DGKG: variants seen among roughly 807,000 people sequenced by gnomAD.
DGKG encodes diacylglycerol kinase gamma.
DGKG carries 78 observed loss-of-function variants against 105.3 expected under a neutral mutation model. The ratio of observed to expected loss-of-function variants is 0.74; its 90% CI spans 0.62 to 0.89. The LOEUF (loss-of-function observed/expected upper bound fraction) is 0.89, where lower values mean the gene tolerates loss of function less well. Among genes scored for constraint, DGKG ranks in the 40% least tolerant of loss-of-function variants. DGKG has a pLI of 0.00. For synonymous variants in DGKG, 346 were observed against 367.1 expected, an observed-to-expected ratio of 0.94 and a Z score of 0.66; for missense variants, 958 against 1,020.1, an observed-to-expected ratio of 0.94 and a Z score of 0.83.
intron 24 of DGKG, among the ~76,000 whole-genome samples, chr3:186,150,869 T>C (rs1443393883): frequency 6.6e-6 from 1 of 152,256 alleles, no homozygotes; most frequent in African/African-American, 2.4e-5. Flanking sequence ...CATTTTTGCC[T>C]TTATTCCCAA....
intron 21 of DGKG, chr3:186,207,522 C>T (rs546067898): frequency 1.0e-6 from 1 of 985,018 alleles, no homozygotes; most frequent in African/African-American, 1.7e-5. Flanking sequence ...GCACCACTGC[C>T]AGTTACATAA....
intron 21 of DGKG, among the ~76,000 whole-genome samples, chr3:186,201,147 C>CTCTT (rs780837316): frequency 6.6e-6 from 1 of 151,776 alleles, no homozygotes; most frequent in Non-Finnish European, 1.5e-5. Flanking sequence ...GTGTTTTTTT[C>CTCTT]TCTTTCTTTC....
intron 1 of DGKG, among the ~76,000 whole-genome samples, chr3:186,321,718 T>C (rs536786999): frequency 1.1e-3 from 165 of 152,324 alleles, no homozygotes; most frequent in Non-Finnish European, 1.8e-3. Flanking sequence ...TGGACCATTC[T>C]CTGGGGAAAT....
intron 24 of DGKG, among the ~76,000 whole-genome samples, chr3:186,150,901 T>G (rs1401470802): frequency 6.6e-6 from 1 of 152,228 alleles, no homozygotes; most frequent in Non-Finnish European, 1.5e-5. Flanking sequence ...GGTCATGGCT[T>G]TGAAATAGTT....
chr3:186,196,997 A>T lies in DGKG; in HGVS notation c.1918-8618T>A, dbSNP rs183623376. Among the ~76,000 whole-genome samples, 394 of 152,324 alleles carry T rather than the reference A, an allele frequency of 2.6e-3. 3 individuals carry two copies. The highest frequency in any genetic ancestry group is 9.0e-3 in the African/African-American group (376 of 41,574). Reference sequence around the variant, plus strand: ...TTGAGGCAGAGAAGATACTCAATACATCTTGTTGGATGAATGGATGAGAAG... The same window carrying T: ...TTGAGGCAGAGAAGATACTCAATACTTCTTGTTGGATGAATGGATGAGAAG... On this transcript the variant is annotated intron_variant, in intron 21 of 24. Coordinates refer to ENST00000265022, the MANE Select transcript of DGKG (RefSeq NM_001346.3).
chr3:186,149,665 C>A lies in DGKG; in HGVS notation c.*425G>T. 1 of 990,732 alleles carries A rather than the reference C, an allele frequency of 1.0e-6. No individual in the cohort carries two copies. Among genetic ancestry groups the A allele is most frequent in the Non-Finnish European group, 1.2e-6 (1 of 833,004 alleles). The allele number at this position is 990,732 out of a possible 1,614,324, so 61.4% of individuals were successfully genotyped here. ...AAATTCTCTGGAACCAGAGCTCCTTCCCTTGGCCACATCTGATCTCACCAT... is the reference window on the plus strand; with the variant it reads ...AAATTCTCTGGAACCAGAGCTCCTTACCTTGGCCACATCTGATCTCACCAT... On this transcript the variant is annotated 3_prime_UTR_variant, in exon 25 of 25. Coordinates refer to ENST00000265022, the MANE Select transcript of DGKG (RefSeq NM_001346.3).
At chr3:186,276,853 T>C (rs1722612247) in intron 9 of DGKG, among the ~76,000 whole-genome samples, 1 of 152,222 alleles carries the variant, frequency 6.6e-6, no homozygotes, top group Non-Finnish European at 1.5e-5. Context: ...TAGTGTCCAA[T>C]ATGCGGGACT....
intron 21 of DGKG, among the ~76,000 whole-genome samples, chr3:186,209,430 C>T (rs1483941509): frequency 6.6e-6 from 1 of 152,102 alleles, no homozygotes; most frequent in East Asian, 1.9e-4. Context: ...CTCTGTGCCT[C>T]AGCTTGCTTC....
intron 3 of DGKG, among the ~76,000 whole-genome samples, chr3:186,298,987 T>C (rs1484943449): frequency 6.6e-6 from 1 of 152,182 alleles, no homozygotes; most frequent in Non-Finnish European, 1.5e-5. Flanking sequence ...TGCCAAAAAC[T>C]AGACCCTCTT....
At chr3:186,357,342 G>A (rs547053189) in intron 1 of DGKG, among the ~76,000 whole-genome samples, 2 of 152,224 alleles carry the variant, frequency 1.3e-5, no homozygotes, top group Non-Finnish European at 1.5e-5. Context: ...TTCCCAGGAA[G>A]CCAAGATGGT....
At chr3:186,186,277 G>A (rs761170160) in intron 22 of DGKG, among the ~76,000 whole-genome samples, 3 of 152,056 alleles carry the variant, frequency 2.0e-5, no homozygotes, top group Admixed American at 1.3e-4. Flanking sequence ...GCGGAGTTTT[G>A]TTTTCTTCTA....
At chr3:186,349,425 C>T (rs1028446503) in intron 1 of DGKG, among the ~76,000 whole-genome samples, 2 of 152,194 alleles carry the variant, frequency 1.3e-5, no homozygotes, top group Non-Finnish European at 2.9e-5. Context: ...TCAAAGCAGG[C>T]AAAGTTTCAC....
In DGKG at chr3:186,313,568, G is replaced by T. The variant is rs559794526; in HGVS notation, c.68-6591C>A. On this transcript the variant is annotated intron_variant, in intron 2 of 24. Coordinates refer to ENST00000265022, the MANE Select transcript of DGKG (RefSeq NM_001346.3). ...TGGACCATCTTGCAACTAAAAGTGT[G>T]GTCCCTGGACCAGCAGCATCAGCAT... is the stretch of plus-strand genomic sequence containing the variant. 1.0e-5 allele frequency: 10 copies of T among 978,936 alleles called. No individual in the cohort carries two copies. The South Asian group carries it at 4.3e-4, about 42-fold the overall frequency. The allele number at this position is 978,936 out of a possible 1,614,324, so 60.6% of individuals were successfully genotyped here. A position where few individuals can be genotyped will look rare whatever the true frequency, so the allele number is the denominator to read the frequency against.
intron 20 of DGKG, among the ~76,000 whole-genome samples, chr3:186,242,088 G>A (rs144005310): frequency 2.0e-5 from 3 of 152,260 alleles, no homozygotes; most frequent in South Asian, 4.1e-4. Flanking sequence ...ATTTGAGACC[G>A]ACAGAAGCTA....
intron 20 of DGKG, among the ~76,000 whole-genome samples, chr3:186,236,617 T>C (rs1720433257): frequency 6.6e-6 from 1 of 152,250 alleles, no homozygotes; most frequent in Admixed American, 6.5e-5. Context: ...ACAAGGTATA[T>C]TTCCAACCTC....
intron 24 of DGKG, chr3:186,159,477 T>C (rs1390144165): frequency 2.0e-5 from 3 of 152,234 alleles, no homozygotes; most frequent in Non-Finnish European, 4.4e-5. Context: ...TTACATGATA[T>C]GTCTTCTCTT....
chr3:186,211,177 C>T (rs891253158), intron 21 of DGKG, among the ~76,000 whole-genome samples: 3 of 152,148 alleles, frequency 2.0e-5, no homozygotes, highest in African/African-American at 7.2e-5. Flanking sequence ...AATGAAAATG[C>T]CAGCTTCTTT....
intron 24 of DGKG, chr3:186,159,528 C>T (rs1252358372): frequency 2.6e-5 from 4 of 152,158 alleles, no homozygotes; most frequent in Non-Finnish European, 4.4e-5. Context: ...ATTGCATAAA[C>T]ATATTTAGCA....
At chr3:186,197,575 A>T (rs1362809312) in intron 21 of DGKG, among the ~76,000 whole-genome samples, 1 of 152,162 alleles carries the variant, frequency 6.6e-6, no homozygotes, top group Non-Finnish European at 1.5e-5. Context: ...AGCATTTCTG[A>T]TACCGTGGGC....
Sources: allele counts gnomAD v4.1 joint callset (sites outside exome capture counted in the v4.1 genomes callset), GRCh38; gene constraint gnomAD v4.1.1; transcripts MANE v1.5; gene names NCBI Gene and HGNC (gene_info 2026-07-23, HGNC 2026-07-21).